The following GRID2 variants were observed in gnomAD, a reference collection of about 807,000 sequenced individuals.
The protein encoded by GRID2 is glutamate ionotropic receptor delta type subunit 2.
In GRID2, 33 loss-of-function variants were observed where a neutral mutation model predicts 114.8. The ratio of observed to expected loss-of-function variants is 0.29; its 90% CI spans 0.22 to 0.38. The LOEUF (loss-of-function observed/expected upper bound fraction) is 0.38. Among genes scored for constraint, GRID2 ranks in the 10% least tolerant of loss-of-function variants. GRID2 has a pLI of 1.00. For synonymous variants in GRID2, 505 were observed against 449.9 expected (o/e 1.12, Z -1.55); for missense variants, 1,184 against 1,257.7 (o/e 0.94, Z 0.89).
intron 2 of GRID2, among the ~76,000 whole-genome samples, chr4:92,626,607 A>G (rs561455736): frequency 4.6e-5 from 7 of 152,198 alleles, no homozygotes; most frequent in South Asian, 4.1e-4. Flanking sequence ...TGTTATTTGT[A>G]TAGTGCAGAG....
downstream of GRID2, among the ~76,000 whole-genome samples, chr4:93,778,393 CTTT>C (rs36000401): frequency 4.2e-4 from 41 of 98,588 alleles, 1 homozygote; most frequent in South Asian, 7.9e-3. Flanking sequence ...TCTCATTTGG[CTTT>C]TTTTTTTTTT....
intron 2 of GRID2, among the ~76,000 whole-genome samples, chr4:92,853,355 ATGAAT>A (rs1375528151): frequency 6.6e-6 from 1 of 152,104 alleles, no homozygotes; most frequent in Non-Finnish European, 1.5e-5. Flanking sequence ...GAATAAATAG[ATGAAT>A]TAATTAATGA....
chr4:92,799,159 C>T (rs981320661), intron 2 of GRID2, among the ~76,000 whole-genome samples: 1 of 151,998 alleles, frequency 6.6e-6, no homozygotes, highest in Non-Finnish European at 1.5e-5. Flanking sequence ...TGAAACCAGA[C>T]AGTCCCAGAT....
intron 1 of GRID2, among the ~76,000 whole-genome samples, chr4:92,557,266 C>T (rs753828596): frequency 6.6e-6 from 1 of 151,862 alleles, no homozygotes; most frequent in Non-Finnish European, 1.5e-5. Flanking sequence ...CTACTATAGA[C>T]ACTTGTAAAC....
intron 1 of GRID2, among the ~76,000 whole-genome samples, chr4:92,411,952 G>A (rs556630315): frequency 6.6e-5 from 10 of 151,850 alleles, no homozygotes; most frequent in Admixed American, 3.9e-4. Context: ...TGATCCGCCC[G>A]CCTCGGCCTC....
At chr4:92,477,608 C>T (rs12643954) in intron 1 of GRID2, among the ~76,000 whole-genome samples, 56,246 of 151,044 alleles carry the variant, frequency 0.37, 11,055 homozygotes, top group African/African-American at 0.5. Context: ...ATTTTGGCTG[C>T]TCCTTAAATG....
chr4:92,754,617 A>G (rs1287227973), intron 2 of GRID2, among the ~76,000 whole-genome samples: 1 of 152,158 alleles, frequency 6.6e-6, no homozygotes, highest in Non-Finnish European at 1.5e-5. Flanking sequence ...GACACAGTAC[A>G]AAACACTGTA....
intron 1 of GRID2, among the ~76,000 whole-genome samples, chr4:92,449,676 G>GAT (rs371209786): frequency 0.093 from 8,972 of 96,494 alleles, 455 homozygotes; most frequent in Non-Finnish European, 0.11. Flanking sequence ...TTTTCTTACT[G>GAT]ATATATATAT....
chr4:93,127,851 A>G (rs537463159), intron 4 of GRID2, among the ~76,000 whole-genome samples: 3 of 151,726 alleles, frequency 2.0e-5, no homozygotes, highest in Admixed American at 2.0e-4. Context: ...CCCTATCTCT[A>G]CAAAAAAATT....
At chr4:92,409,670 CATAAT>C (rs1425451901) in intron 1 of GRID2, among the ~76,000 whole-genome samples, 1 of 152,052 alleles carries the variant, frequency 6.6e-6, no homozygotes, top group Non-Finnish European at 1.5e-5. Context: ...TTTAAATACA[CATAAT>C]AAAATATTCT....
At chr4:92,479,406 C>T (rs1381017199) in intron 1 of GRID2, among the ~76,000 whole-genome samples, 2 of 151,948 alleles carry the variant, frequency 1.3e-5, no homozygotes, top group Non-Finnish European at 2.9e-5. Flanking sequence ...TAAAAAAATG[C>T]CTAAATTTTC....
intron 3 of GRID2, among the ~76,000 whole-genome samples, chr4:93,109,563 T>A (rs1732574197): frequency 6.6e-6 from 1 of 152,152 alleles, no homozygotes; most frequent in South Asian, 2.1e-4. Context: ...AATTAACTAT[T>A]ACCACTGAGA....
chr4:92,616,735 T>C (rs1730021111), intron 2 of GRID2, among the ~76,000 whole-genome samples: 1 of 151,686 alleles, frequency 6.6e-6, no homozygotes, highest in African/African-American at 2.4e-5. Context: ...TTGAATTTCT[T>C]CCTTGTATTT....
intron 2 of GRID2, among the ~76,000 whole-genome samples, chr4:93,072,164 A>G (rs1728866194): frequency 6.6e-6 from 1 of 152,180 alleles, no homozygotes; most frequent in Non-Finnish European, 1.5e-5. Context: ...CACAATGAGA[A>G]AAAGCCAAAA....
intron 8 of GRID2, among the ~76,000 whole-genome samples, chr4:93,274,950 A>G (rs1186417960): frequency 6.6e-6 from 1 of 152,064 alleles, no homozygotes; most frequent in Non-Finnish European, 1.5e-5. Context: ...TGCTTTTAAC[A>G]TGTAAAATTC....
intron 14 of GRID2, among the ~76,000 whole-genome samples, chr4:93,745,540 G>T (rs1178358521): frequency 6.6e-6 from 1 of 152,018 alleles, no homozygotes; most frequent in South Asian, 2.1e-4. Context: ...GCAGTGAGTG[G>T]CCCCTTAATC....
chr4:92,480,411 T>C (rs1026397152), intron 1 of GRID2, among the ~76,000 whole-genome samples: 43 of 152,172 alleles, frequency 2.8e-4, no homozygotes, highest in African/African-American at 9.9e-4. Context: ...AAAGATAATC[T>C]ATAACTATGG....
intron 14 of GRID2, among the ~76,000 whole-genome samples, chr4:93,644,525 G>C (rs1326026877): frequency 2.0e-5 from 3 of 152,046 alleles, no homozygotes. Flanking sequence ...AATTTTCTGT[G>C]TATTTTCCAT....
intron 1 of GRID2, among the ~76,000 whole-genome samples, chr4:92,332,494 C>T (rs556398655): frequency 1.2e-3 from 180 of 152,240 alleles, no homozygotes; most frequent in African/African-American, 3.7e-3. Context: ...CCCTGGTCCC[C>T]CAAATTCACA....
Sources: gnomAD v4.1 joint callset for allele counts (sites outside exome capture counted in the v4.1 genomes callset) on GRCh38, gnomAD v4.1.1 for gene constraint, MANE v1.5 for transcripts, NCBI Gene and HGNC (gene_info 2026-07-23, HGNC 2026-07-21) for gene names.